Variants in TXNDC15 observed in about 807,000 individuals in gnomAD.
The protein encoded by TXNDC15 is thioredoxin domain containing 15.
A neutral mutation model predicts 35.0 loss-of-function variants in TXNDC15; 24 were observed. That is an observed-to-expected ratio of 0.68 (90% CI 0.50 to 0.96). The LOEUF (loss-of-function observed/expected upper bound fraction) is 0.96, where lower values mean the gene tolerates loss of function less well. TXNDC15 is among the 40% of genes least tolerant of loss of function. The pLI is 0.00. For missense variants in TXNDC15, 385 were observed against 453.3 expected, an observed-to-expected ratio of 0.85 and a Z score of 1.37; for synonymous variants, 169 against 174.0, an observed-to-expected ratio of 0.97 and a Z score of 0.23.
intron 1 of TXNDC15, chr5:134,875,466 T>C: frequency 2.3e-6 from 1 of 444,168 alleles, no homozygotes; most frequent in South Asian, 1.6e-5. Flanking sequence ...CTCAGTGCTT[T>C]ACGAGCATCA....
chr5:134,875,229 G>A (rs1038926503), intron 1 of TXNDC15: 1 of 456,142 alleles, frequency 2.2e-6, no homozygotes, highest in African/African-American at 2.0e-5. Flanking sequence ...CGAGGGTGGA[G>A]AGTGGAGGCC....
In TXNDC15 at chr5:134,900,064, C is replaced by A. The variant is rs1281539650; in HGVS notation, c.*379C>A. On this transcript the variant is annotated 3_prime_UTR_variant, in exon 5 of 5. Coordinates refer to ENST00000358387, the MANE Select transcript of TXNDC15 (RefSeq NM_024715.4). ...AATAGTTTAAGGAAACCCTTGATTC[C>A]TTATATATGTTTAAGAAGGTTAGTT... is the stretch of plus-strand genomic sequence containing the variant. 2.5e-5 allele frequency: 4 copies of A among 161,770 alleles called. No individual in the cohort carries two copies. The highest frequency in any genetic ancestry group is 1.3e-4 in the Admixed American group (2 of 15,556). 10.0% of individuals were successfully genotyped at this position (161,770 alleles called of 1,614,324 possible).
At chr5:134,890,098 A>T (rs1750358000) in intron 2 of TXNDC15, among the ~76,000 whole-genome samples, 1 of 151,666 alleles carries the variant, frequency 6.6e-6, no homozygotes, top group East Asian at 2.0e-4. Flanking sequence ...TGGTGAGACC[A>T]TGGCTCACTG....
chr5:134,881,131 CTT>C (rs999683226), intron 1 of TXNDC15, among the ~76,000 whole-genome samples: 1 of 141,308 alleles, frequency 7.1e-6, no homozygotes. Flanking sequence ...TCTTTCCATT[CTT>C]TTTTTTTTTC....
At chr5:134,878,748 C>G (rs565689143) in intron 1 of TXNDC15, among the ~76,000 whole-genome samples, 1 of 152,320 alleles carries the variant, frequency 6.6e-6, no homozygotes, top group African/African-American at 2.4e-5. Flanking sequence ...CCTGTAATCC[C>G]AGCACACTGG....
At chr5:134,886,830 G>A (rs1750284461) in intron 1 of TXNDC15, among the ~76,000 whole-genome samples, 1 of 152,216 alleles carries the variant, frequency 6.6e-6, no homozygotes, top group African/African-American at 2.4e-5. Flanking sequence ...CGCAGACTTG[G>A]CTTTGCTGCT....
chr5:134,889,312 C>T lies in TXNDC15; in HGVS notation c.591+1130C>T, dbSNP rs528407739. ...TGATCTGGGTTCACTGCAACCTCTG[C>T]CTCCCGGGTTCAAGTGGTTCTCCTG... On this transcript the variant is annotated intron_variant, in intron 2 of 4. Transcript: ENST00000358387. Among the ~76,000 whole-genome samples, 9 of 152,316 alleles carry T rather than the reference C, an allele frequency of 5.9e-5. No homozygotes were observed. In the South Asian group the frequency reaches 1.7e-3, roughly 28 times the overall value.
chr5:134,874,518 C>G lies in TXNDC15; in HGVS notation c.91C>G (p.Arg31Gly). ...VLLWVLGLPV[R>G]GVEVAEESGR... ...GCTGTGGGTGCTGGGACTTCCCGTC[C>G]GCGGCGTGGAGGGTGAGTGTGGGCC... Residue 31 changes from arginine to glycine, a missense_variant, in exon 1 of 5, where the codon CGC becomes GGC. By Grantham distance (125) the Arg-to-Gly change is moderately radical. Coordinates refer to ENST00000358387, the MANE Select transcript of TXNDC15 (RefSeq NM_024715.4). The G allele has an allele frequency of 6.2e-7, 1 of 1,600,802 alleles. No individual in the cohort carries two copies.
chr5:134,887,565 T>C (rs1210733036), intron 1 of TXNDC15, 130 bp from the exon 2 acceptor site: 1 of 1,143,824 alleles, frequency 8.7e-7, no homozygotes, highest in Non-Finnish European at 1.2e-6. Context: ...AGTAGCTCTC[T>C]GATAGTTTAA....
At chr5:134,893,731 A>G (rs543760363) in intron 3 of TXNDC15, 76 bp downstream of exon 3, 1 of 1,576,790 alleles carries the variant, frequency 6.3e-7, no homozygotes, top group South Asian at 1.1e-5. Context: ...TAATTAGTTA[A>G]GTTAGAAGCA....
At chr5:134,898,583 G>C (rs937388195) in intron 4 of TXNDC15, among the ~76,000 whole-genome samples, 1 of 152,162 alleles carries the variant, frequency 6.6e-6, no homozygotes, top group Non-Finnish European at 1.5e-5. Context: ...GTAAAAGTAG[G>C]ATATTACAAG....
At chr5:134,891,100 CAA>C (rs1750381128) in intron 2 of TXNDC15, among the ~76,000 whole-genome samples, 1 of 152,316 alleles carries the variant, frequency 6.6e-6, no homozygotes, top group East Asian at 1.9e-4. Context: ...TTGAATTCCT[CAA>C]AGTCATCCAC....
chr5:134,880,872 A>T (rs1306744023), intron 1 of TXNDC15, among the ~76,000 whole-genome samples: 1 of 151,910 alleles, frequency 6.6e-6, no homozygotes, highest in Non-Finnish European at 1.5e-5. Context: ...GGCTGCTTTA[A>T]AGATTTTTTT....
chr5:134,901,066 G>T lies in TXNDC15; in HGVS notation c.*1381G>T, dbSNP rs1211662869. On this transcript the variant is annotated 3_prime_UTR_variant, in exon 5 of 5. Coordinates refer to ENST00000358387, the MANE Select transcript of TXNDC15 (RefSeq NM_024715.4). ...GCCTCCCAAAGTGTTGGGATTACAG[G>T]TGTGAGCCACTGCGCCTGGCCTAAA... is the stretch of plus-strand genomic sequence containing the variant. 6.6e-6 allele frequency: 1 copy of T among 152,200 alleles called. No homozygotes were observed. The highest frequency in any genetic ancestry group is 1.5e-5 in the Non-Finnish European group (1 of 68,044). The allele number at this position is 152,200 out of a possible 1,614,324, so 9.4% of individuals were successfully genotyped here. A position where few individuals can be genotyped will look rare whatever the true frequency, so the allele number is the denominator to read the frequency against.
chr5:134,900,293 C>T lies in TXNDC15; in HGVS notation c.*608C>T, dbSNP rs561585898. 6.6e-6 allele frequency: 1 copy of T among 152,404 alleles called. No individual in the cohort carries two copies. The highest frequency in any genetic ancestry group is 2.1e-4 in the South Asian group (1 of 4,828). 9.4% of individuals were successfully genotyped at this position (152,404 alleles called of 1,614,324 possible). ...TGTTAGGAGAAAGGAAATGCTGTAA[C>T]TAAAGCTCAATTATTATCAGTTCTA... On this transcript the variant is annotated 3_prime_UTR_variant, in exon 5 of 5. Transcript: ENST00000358387.
chr5:134,884,329 A>G, intron 1 of TXNDC15, among the ~76,000 whole-genome samples: 1 of 149,486 alleles, frequency 6.7e-6, no homozygotes, highest in Non-Finnish European at 1.5e-5. Flanking sequence ...GCTCACCACA[A>G]CCTCTGCCTC....
intron 3 of TXNDC15, chr5:134,895,989 T>C: frequency 4.5e-6 from 1 of 224,100 alleles, no homozygotes; most frequent in Middle Eastern, 1.7e-3. Flanking sequence ...GCTTTGTCCA[T>C]GAATTAGAGT....
rs749604431 is a variant in TXNDC15 at position 134,874,403 on chromosome 5, C to T, written c.-25C>T. On this transcript the variant is annotated 5_prime_UTR_variant, in exon 1 of 5. Coordinates refer to ENST00000358387, the MANE Select transcript of TXNDC15 (RefSeq NM_024715.4). Reference sequence around the variant, plus strand: ...TGGCAGCACGACTCGCGTAGCCGTGCGCCGATTGCCTCTCGGCCTGGGCAA... The same window carrying T: ...TGGCAGCACGACTCGCGTAGCCGTGTGCCGATTGCCTCTCGGCCTGGGCAA... The T allele has an allele frequency of 1.9e-6, 3 of 1,570,934 alleles. No homozygotes were observed. The highest frequency in any genetic ancestry group is 2.3e-5 in the South Asian group (2 of 87,870).
At chr5:134,874,286 A>G (rs986976149), upstream of TXNDC15, 8 of 665,068 alleles carry the variant, frequency 1.2e-5, no homozygotes, top group Admixed American at 1.0e-4. Context: ...CCCGACTCCA[A>G]GATGGCGCCC....
Sources: gnomAD v4.1 joint callset for allele counts (sites outside exome capture counted in the v4.1 genomes callset) on GRCh38, gnomAD v4.1.1 for gene constraint, MANE v1.5 for transcripts, NCBI Gene and HGNC (gene_info 2026-07-23, HGNC 2026-07-21) for gene names.